RAE1: variants seen among roughly 807,000 people sequenced by gnomAD.
The protein encoded by RAE1 is ribonucleic acid export 1, also known as mRNA export factor RAE1.
Under a neutral mutation model 52.7 loss-of-function variants are expected in RAE1, and 13 were observed. That is an observed-to-expected ratio of 0.25 (90% CI 0.16 to 0.39). RAE1 has a LOEUF of 0.39. Among genes scored for constraint, RAE1 ranks in the 10% least tolerant of loss-of-function variants. The probability of loss-of-function intolerance (pLI) is 1.00; values close to 1 mark genes in which losing one functional copy is unlikely to be tolerated. For missense variants in RAE1, 262 were observed against 459.8 expected, an observed-to-expected ratio of 0.57 and a Z score of 3.93; for synonymous variants, 164 against 153.1, an observed-to-expected ratio of 1.07 and a Z score of -0.52.
chr20:57,359,140 A>G, intron 4 of RAE1: 2 of 709,046 alleles, frequency 2.8e-6, no homozygotes, highest in Admixed American at 3.9e-5. Context: ...TAGTGCCTCT[A>G]ATACTGGTAA....
At chr20:57,363,246 G>A (rs182175485) in intron 4 of RAE1, among the ~76,000 whole-genome samples, 447 of 152,302 alleles carry the variant, frequency 2.9e-3, no homozygotes, top group Non-Finnish European at 5.4e-3. Context: ...AGAAAATGAA[G>A]GTAGGCTGGG....
intron 4 of RAE1, among the ~76,000 whole-genome samples, chr20:57,362,837 T>A (rs2066908153): frequency 6.6e-6 from 1 of 152,232 alleles, no homozygotes; most frequent in Non-Finnish European, 1.5e-5. Flanking sequence ...AGGAGTGCAG[T>A]GGTGCGATCT....
At chr20:57,369,069 A>G (rs1458690239) in intron 8 of RAE1, among the ~76,000 whole-genome samples, 1 of 152,232 alleles carries the variant, frequency 6.6e-6, no homozygotes, top group African/African-American at 2.4e-5. Context: ...GGCCAAGGGA[A>G]AACTTCTCCT....
rs775483888 is a variant in RAE1, at chr20:57,356,576, A to G, written c.288+38A>G. The G allele has an allele frequency of 6.2e-5, 94 of 1,518,230 alleles. 7 individuals are homozygous for G. The South Asian group carries it at 1.1e-3, about 17-fold the overall frequency. 94.0% of individuals were successfully genotyped at this position (1,518,230 alleles called of 1,614,324 possible). ...CCATTTCTCGTGTTCCATTTTACTT[A>G]AAGTACAGAATGATTTAGAATATTT... is the stretch of plus-strand genomic sequence containing the variant. On this transcript the variant is annotated intron_variant, in intron 4 of 11. Coordinates refer to ENST00000395841, the MANE Select transcript of RAE1 (RefSeq NM_003610.4).
chr20:57,370,177 C>G (rs928117763), intron 8 of RAE1, among the ~76,000 whole-genome samples: 4 of 152,210 alleles, frequency 2.6e-5, no homozygotes, highest in Non-Finnish European at 4.4e-5. Flanking sequence ...TATTCCCTCA[C>G]CTCCCACTCA....
At chr20:57,351,895 C>T (rs1023818392) in intron 1 of RAE1, 2 of 985,454 alleles carry the variant, frequency 2.0e-6, no homozygotes, top group East Asian at 1.1e-4. Context: ...ATATAGGTGC[C>T]ACCGTACAGG....
At chr20:57,368,643 T>C in intron 7 of RAE1, 62 bp from the exon 8 acceptor site, 1 of 1,143,766 alleles carries the variant, frequency 8.7e-7, no homozygotes. Context: ...ATCAAATACA[T>C]TAGTATAAAA....
At chr20:57,358,986 T>C (rs370493586) in intron 4 of RAE1, 2 of 1,507,596 alleles carry the variant, frequency 1.3e-6, no homozygotes, top group Non-Finnish European at 1.8e-6. Context: ...TCTTCACGGA[T>C]AGATCAATTT....
At chr20:57,357,472 T>A (rs980931972) in intron 4 of RAE1, 1 of 152,210 alleles carries the variant, frequency 6.6e-6, no homozygotes, top group South Asian at 2.1e-4. Flanking sequence ...CATTGAGATA[T>A]AGCATCTGCA....
chr20:57,358,834 G>A (rs1024409789), intron 4 of RAE1: 3 of 506,630 alleles, frequency 5.9e-6, no homozygotes, highest in African/African-American at 5.9e-5. Flanking sequence ...TTAGGAGGTT[G>A]AATTATGCTC....
In RAE1 at chr20:57,354,739, G is replaced by A; in HGVS notation, c.118G>A (p.Asp40Asn). The change falls in exon 3 of 12, where the codon GAT (aspartate) becomes AAT (asparagine). Residue 40 changes from aspartate to asparagine, a missense_variant. Transcript: ENST00000395841. ...KDIEVTSSPDDSIGCLSFSPP... is the reference protein window; with the variant it reads ...KDIEVTSSPDNSIGCLSFSPP... ...TATTGAAGTAACATCATCTCCTGAT[G>A]ATAGCATTGGTTGTCTGTCTTTTAG... The A allele has an allele frequency of 6.2e-7, 1 of 1,601,538 alleles. No homozygotes were observed. Among genetic ancestry groups the A allele is most frequent in the Non-Finnish European group, 8.5e-7 (1 of 1,175,226 alleles).
intron 4 of RAE1, 45 bp from the exon 5 acceptor site, chr20:57,365,311 A>G (rs2066939568): frequency 2.9e-6 from 4 of 1,390,340 alleles, no homozygotes; most frequent in Non-Finnish European, 4.0e-6. Context: ...ATAGTTAAAG[A>G]TTTAATTTTT....
chr20:57,376,895 GT>G (rs2067124229), intron 11 of RAE1, among the ~76,000 whole-genome samples: 1 of 152,236 alleles, frequency 6.6e-6, no homozygotes, highest in African/African-American at 2.4e-5. Flanking sequence ...TTTGAGTGCT[GT>G]TTAAAAATTG....
intron 1 of RAE1, among the ~76,000 whole-genome samples, chr20:57,352,809 C>G (rs1039306646): frequency 1.3e-5 from 2 of 152,188 alleles, no homozygotes; most frequent in East Asian, 3.8e-4. Context: ...CCGTCCAAAG[C>G]CGTGTAACCA....
At chr20:57,369,176 A>G (rs953547147) in intron 8 of RAE1, among the ~76,000 whole-genome samples, 1 of 152,238 alleles carries the variant, frequency 6.6e-6, no homozygotes, top group Non-Finnish European at 1.5e-5. Flanking sequence ...GCGTCTTACA[A>G]CGATCTTAAA....
intron 10 of RAE1, 141 bp from the exon 11 acceptor site, chr20:57,374,466 T>G (rs760270105): frequency 6.2e-6 from 5 of 810,150 alleles, no homozygotes; most frequent in Non-Finnish European, 8.0e-6. Context: ...CTGGATAGTT[T>G]CTCTTGCTAT....
At chr20:57,355,315 C>T (rs1036189230) in intron 3 of RAE1, among the ~76,000 whole-genome samples, 3 of 152,104 alleles carry the variant, frequency 2.0e-5, no homozygotes, top group Admixed American at 6.5e-5. Flanking sequence ...AGAGGGACTT[C>T]ACAAAAGAAA....
chr20:57,375,291 C>T (rs143122556), intron 11 of RAE1, among the ~76,000 whole-genome samples: 1 of 152,206 alleles, frequency 6.6e-6, no homozygotes, highest in Non-Finnish European at 1.5e-5. Flanking sequence ...TTTCAACCAG[C>T]CTGCGTGTTT....
At chr20:57,358,176 G>T (rs1178960812) in intron 4 of RAE1, 1 of 152,188 alleles carries the variant, frequency 6.6e-6, no homozygotes, top group Non-Finnish European at 1.5e-5. Flanking sequence ...GATAGTAGAT[G>T]TTAAGGGCCG....
Sources: gnomAD v4.1 joint callset for allele counts (sites outside exome capture counted in the v4.1 genomes callset) on GRCh38, gnomAD v4.1.1 for gene constraint, MANE v1.5 for transcripts, NCBI Gene and HGNC (gene_info 2026-07-23, HGNC 2026-07-21) for gene names.